STARD10: variants seen among roughly 807,000 people sequenced by gnomAD.
The protein encoded by STARD10 is START domain-containing protein 10.
STARD10 carries 24 observed loss-of-function variants against 36.0 expected under a neutral mutation model. The ratio of observed to expected loss-of-function variants is 0.67; its 90% CI spans 0.48 to 0.94. The LOEUF (loss-of-function observed/expected upper bound fraction) is 0.94, where lower values mean the gene tolerates loss of function less well. STARD10 is among the 40% of genes least tolerant of loss of function. The probability of loss-of-function intolerance (pLI) is 0.00; values close to 1 mark genes in which losing one functional copy is unlikely to be tolerated. For missense variants in STARD10, 335 were observed against 396.6 expected (o/e 0.84, Z 1.32); for synonymous variants, 156 against 161.9 (o/e 0.96, Z 0.28).
At chr11:72,768,854 G>A (rs1038972649) in intron 2 of STARD10, among the ~76,000 whole-genome samples, 3 of 152,208 alleles carry the variant, frequency 2.0e-5, no homozygotes, top group East Asian at 3.8e-4. Context: ...TACAGCAGGC[G>A]CTCAATAAGG....
At chr11:72,764,883 G>A (rs187458458) in intron 2 of STARD10, among the ~76,000 whole-genome samples, 185 of 152,310 alleles carry the variant, frequency 1.2e-3, no homozygotes, top group Admixed American at 4.8e-3. Context: ...GAACCCAAGG[G>A]GTGTTGCTCC....
At chr11:72,778,026 G>A (rs1858948494) in intron 2 of STARD10, among the ~76,000 whole-genome samples, 2 of 152,162 alleles carry the variant, frequency 1.3e-5, no homozygotes, top group South Asian at 4.1e-4. Flanking sequence ...CATCCCCAGG[G>A]ATTCTGGCTC....
chr11:72,787,527 C>G (rs370308604), intron 1 of STARD10, among the ~76,000 whole-genome samples: 2 of 152,194 alleles, frequency 1.3e-5, no homozygotes, highest in East Asian at 1.9e-4. Context: ...ATTCTCCTTC[C>G]GGAGGGTTCC....
At chr11:72,765,197 C>T (rs519201) in intron 2 of STARD10, among the ~76,000 whole-genome samples, 9,332 of 152,176 alleles carry the variant, frequency 0.061, 975 homozygotes, top group African/African-American at 0.21. Flanking sequence ...ACCCGAGAGG[C>T]GGAGGTTGCA....
intron 2 of STARD10, among the ~76,000 whole-genome samples, chr11:72,771,975 C>A (rs1196987980): frequency 6.6e-6 from 1 of 152,186 alleles, no homozygotes; most frequent in African/African-American, 2.4e-5. Flanking sequence ...CCTCCCAGGG[C>A]TTCCGGGATC....
At chr11:72,773,174 G>C (rs1225383340) in intron 2 of STARD10, among the ~76,000 whole-genome samples, 1 of 152,234 alleles carries the variant, frequency 6.6e-6, no homozygotes, top group African/African-American at 2.4e-5. Flanking sequence ...GTCACCAGTA[G>C]AGACATTAAG....
intron 2 of STARD10, among the ~76,000 whole-genome samples, chr11:72,768,157 T>C (rs1858815894): frequency 6.6e-6 from 1 of 152,196 alleles, no homozygotes; most frequent in Non-Finnish European, 1.5e-5. Flanking sequence ...AGCCAGGCCC[T>C]GCCCTCACCA....
At chr11:72,775,577 G>A (rs1858919868) in intron 2 of STARD10, among the ~76,000 whole-genome samples, 1 of 152,072 alleles carries the variant, frequency 6.6e-6, no homozygotes, top group Non-Finnish European at 1.5e-5. Context: ...CACCCAAAAG[G>A]ATCACCTGAA....
chr11:72,759,139 T>G, intron 3 of STARD10, 95 bp downstream of exon 3: 1 of 1,482,938 alleles, frequency 6.7e-7, no homozygotes, highest in Non-Finnish European at 9.2e-7. Context: ...CTTGGTCATG[T>G]GAGTAACCAC....
intron 2 of STARD10, among the ~76,000 whole-genome samples, chr11:72,770,414 C>T (rs927159206): frequency 1.3e-5 from 2 of 152,128 alleles, no homozygotes; most frequent in African/African-American, 2.4e-5. Context: ...GATGGGGTTT[C>T]GCCATGTTGG....
chr11:72,789,721 G>T (rs531283262), intron 1 of STARD10, among the ~76,000 whole-genome samples: 2 of 152,142 alleles, frequency 1.3e-5, no homozygotes, highest in Non-Finnish European at 2.9e-5. Context: ...GGGGCTGAAG[G>T]CTCTGCCCTG....
intron 2 of STARD10, among the ~76,000 whole-genome samples, chr11:72,775,771 G>A (rs1471694854): frequency 6.6e-6 from 1 of 152,024 alleles, no homozygotes; most frequent in Admixed American, 6.6e-5. Context: ...AGCAGAAAGA[G>A]GGTAATGATG....
chr11:72,775,737 T>TC (rs1025143781), intron 2 of STARD10, among the ~76,000 whole-genome samples: 1 of 151,642 alleles, frequency 6.6e-6, no homozygotes, highest in African/African-American at 2.4e-5. Context: ...GCCCTCTCCA[T>TC]CCCCCACCTC....
chr11:72,781,949 G>GC lies in STARD10; in HGVS notation c.-113-656dup, dbSNP rs1307895244. On this transcript the variant is annotated intron_variant, in intron 1 of 6. Coordinates refer to ENST00000334805, the MANE Select transcript of STARD10 (RefSeq NM_006645.3). This position sits in a 1 kb window ranked among gnomAD's most constrained non-coding sequence, Gnocchi z 4.7. ...CCCACCCCGCAGGGTCCTAGCGCCCGCCCCCGCCGGCCCTGGGAGGGGACC... is the reference window on the plus strand; with the variant it reads ...CCCACCCCGCAGGGTCCTAGCGCCCGCCCCCCGCCGGCCCTGGGAGGGGACC... The GC allele has an allele frequency of 6.6e-5, 10 of 151,880 alleles. No homozygotes were observed. Among genetic ancestry groups the GC allele is most frequent in the Admixed American group, 1.3e-4 (2 of 15,272 alleles). 9.4% of individuals were successfully genotyped at this position (151,880 alleles called of 1,614,324 possible). A position where few individuals can be genotyped will look rare whatever the true frequency, so the allele number is the denominator to read the frequency against.
chr11:72,771,245 G>T (rs554261914), intron 2 of STARD10, among the ~76,000 whole-genome samples: 104 of 152,302 alleles, frequency 6.8e-4, no homozygotes, highest in African/African-American at 2.3e-3. Context: ...GGCCAGAGGA[G>T]GACAATCCCT....
intron 2 of STARD10, among the ~76,000 whole-genome samples, chr11:72,761,639 G>A (rs1377038900): frequency 3.3e-5 from 5 of 152,010 alleles, no homozygotes; most frequent in African/African-American, 1.2e-4. Context: ...CAGCTACTCA[G>A]GAAGCTGAGG....
intron 2 of STARD10, among the ~76,000 whole-genome samples, chr11:72,773,561 T>C (rs760013289): frequency 6.6e-6 from 1 of 152,146 alleles, no homozygotes; most frequent in Non-Finnish European, 1.5e-5. Context: ...CAGGCGCACA[T>C]ACCTTCAACA....
At chr11:72,764,403 A>AT (rs1484934810) in intron 2 of STARD10, among the ~76,000 whole-genome samples, 1 of 152,140 alleles carries the variant, frequency 6.6e-6, no homozygotes, top group East Asian at 1.9e-4. Context: ...ACTTTATCTC[A>AT]TAAAGAGAAA....
intron 1 of STARD10, among the ~76,000 whole-genome samples, chr11:72,787,331 G>T (rs977486842): frequency 6.6e-6 from 1 of 152,136 alleles, no homozygotes; most frequent in African/African-American, 2.4e-5. Context: ...GCCTCGCAGG[G>T]GCCGTTGCCT....
Sources: gnomAD v4.1 joint callset for allele counts (sites outside exome capture counted in the v4.1 genomes callset) on GRCh38, gnomAD v4.1.1 for gene constraint, Gnocchi (gnomAD v3.1) non-coding constraint, MANE v1.5 for transcripts, NCBI Gene and HGNC (gene_info 2026-07-23, HGNC 2026-07-21) for gene names.